GRAMD1B: variants seen among roughly 807,000 people sequenced by gnomAD.
GRAMD1B encodes GRAM domain containing 1B.
GRAMD1B carries 37 observed loss-of-function variants against 99.7 expected under a neutral mutation model. That is an observed-to-expected ratio of 0.37 (90% CI 0.29 to 0.49). The LOEUF (loss-of-function observed/expected upper bound fraction) is 0.49. GRAMD1B is among the 20% of genes least tolerant of loss of function. The pLI is 0.98. For synonymous variants in GRAMD1B, 427 were observed against 387.6 expected (o/e 1.10, Z -1.19); for missense variants, 888 against 1,009.2 (o/e 0.88, Z 1.63).
intron 10 of GRAMD1B, among the ~76,000 whole-genome samples, chr11:123,606,407 A>G (rs963812031): frequency 6.6e-6 from 1 of 152,180 alleles, no homozygotes; most frequent in Non-Finnish European, 1.5e-5. Context: ...GGCGAGCGTG[A>G]GAAGTGCAGT....
At chr11:123,362,786 G>T (rs1946188483) in intron 1 of GRAMD1B, among the ~76,000 whole-genome samples, 1 of 152,170 alleles carries the variant, frequency 6.6e-6, no homozygotes, top group South Asian at 2.1e-4. Flanking sequence ...GAGAGGCAGG[G>T]ATGGAAGAGA....
At chr11:123,465,341 G>A (rs1359791057) in intron 1 of GRAMD1B, among the ~76,000 whole-genome samples, 1 of 152,160 alleles carries the variant, frequency 6.6e-6, no homozygotes, top group Non-Finnish European at 1.5e-5. Context: ...GAAACCACAC[G>A]TACATTTTTC....
At chr11:123,620,330 C>T (rs938851301) in intron 19 of GRAMD1B, among the ~76,000 whole-genome samples, 22 of 151,952 alleles carry the variant, frequency 1.4e-4, no homozygotes, top group Admixed American at 1.3e-4. Context: ...AAAAATTAGC[C>T]GTGTATGGTG....
intron 2 of GRAMD1B, among the ~76,000 whole-genome samples, chr11:123,572,525 T>C (rs535806381): frequency 3.9e-5 from 6 of 152,340 alleles, no homozygotes; most frequent in Admixed American, 1.3e-4. Context: ...GCAAGTTTAG[T>C]GCTGACTTTG....
chr11:123,495,192 T>A (rs568476245), intron 2 of GRAMD1B, among the ~76,000 whole-genome samples: 68 of 151,998 alleles, frequency 4.5e-4, no homozygotes, highest in African/African-American at 1.6e-3. Flanking sequence ...ACTAAATATT[T>A]TATGTATACT....
chr11:123,529,215 A>T (rs190928675), intron 2 of GRAMD1B, among the ~76,000 whole-genome samples: 275 of 152,328 alleles, frequency 1.8e-3, no homozygotes, highest in African/African-American at 6.3e-3. Context: ...AGGGACAGAT[A>T]AGTGCGGTGA....
chr11:123,521,612 C>G (rs1273881845), intron 2 of GRAMD1B, among the ~76,000 whole-genome samples: 1 of 152,200 alleles, frequency 6.6e-6, no homozygotes, highest in Non-Finnish European at 1.5e-5. Flanking sequence ...AGGGTACAAT[C>G]AGTGTAAGAG....
In GRAMD1B at chr11:123,592,801, T is replaced by C. The variant is rs150919114; in HGVS notation, c.685-1281T>C. Among the ~76,000 whole-genome samples, 628 of 152,330 alleles carry C rather than the reference T, an allele frequency of 4.1e-3. 4 individuals carry two copies. Among genetic ancestry groups the C allele is most frequent in the South Asian group, 0.014 (68 of 4,826 alleles). On this transcript the variant is annotated intron_variant, in intron 4 of 19. Coordinates refer to ENST00000635736, the MANE Select transcript of GRAMD1B (RefSeq NM_001387025.1). ...TAGTCAGTGCATCACAGGTGGAGTG[T>C]GGGTGTCTCCGTTTGGCCGTGCGTG...
intron 9 of GRAMD1B, 85 bp downstream of exon 9, chr11:123,603,626 A>G (rs913934715): frequency 1.1e-5 from 9 of 786,282 alleles, no homozygotes; most frequent in Middle Eastern, 2.3e-4. Flanking sequence ...AACAGCACAC[A>G]TGCCTGTGCA....
chr11:123,576,728 T>C lies in GRAMD1B; in HGVS notation c.453-639T>C, dbSNP rs536519971. ...ACATGGCTTCCTTACAAGGAAATAA[T>C]ATGGTGTGGGTGAGTTACAAATCAG... On this transcript the variant is annotated intron_variant, in intron 2 of 19. Transcript: ENST00000635736. Among the ~76,000 whole-genome samples, 61 of 152,248 alleles carry C rather than the reference T, an allele frequency of 4.0e-4. 1 individual carries two copies. In the South Asian group the frequency reaches 0.012, roughly 31 times the overall value.
At chr11:123,504,826 C>T (rs1022190035) in intron 2 of GRAMD1B, among the ~76,000 whole-genome samples, 8 of 152,120 alleles carry the variant, frequency 5.3e-5, no homozygotes, top group Admixed American at 3.3e-4. Flanking sequence ...GAATCACAGG[C>T]GTGCACCACC....
rs916214355 is a variant in GRAMD1B, at chr11:123,519,829, G to A, written c.452+38936G>A. Among the ~76,000 whole-genome samples, 3 of 152,224 alleles carry A rather than the reference G, an allele frequency of 2.0e-5. No homozygotes were observed. The East Asian group carries it at 5.8e-4, about 29-fold the overall frequency. ...CCCAAGGTCGTGGGATTCTGGTGGTGGAAAGAGCTCCAGATGAGGAGGTGG... is the reference window on the plus strand; with the variant it reads ...CCCAAGGTCGTGGGATTCTGGTGGTAGAAAGAGCTCCAGATGAGGAGGTGG... On this transcript the variant is annotated intron_variant, in intron 2 of 19. Coordinates refer to ENST00000635736, the MANE Select transcript of GRAMD1B (RefSeq NM_001387025.1).
intron 2 of GRAMD1B, among the ~76,000 whole-genome samples, chr11:123,512,864 C>T (rs985587137): frequency 1.3e-5 from 2 of 152,058 alleles, no homozygotes; most frequent in Non-Finnish European, 2.9e-5. Flanking sequence ...TTTTGTATCT[C>T]TGTACATTTT....
intron 4 of GRAMD1B, among the ~76,000 whole-genome samples, chr11:123,593,008 G>A (rs1265431784): frequency 6.6e-6 from 1 of 152,090 alleles, no homozygotes; most frequent in Non-Finnish European, 1.5e-5. Context: ...GAGGTGGGTG[G>A]ATCACTTGAG....
chr11:123,370,854 G>T (rs1379536934), intron 1 of GRAMD1B, among the ~76,000 whole-genome samples: 3 of 152,094 alleles, frequency 2.0e-5, no homozygotes, highest in Non-Finnish European at 4.4e-5. Context: ...GTCTCAATCT[G>T]CACCATACCC....
chr11:123,503,466 T>C (rs1372279057), intron 2 of GRAMD1B, among the ~76,000 whole-genome samples: 7 of 152,124 alleles, frequency 4.6e-5, no homozygotes, highest in Non-Finnish European at 1.0e-4. Context: ...CCTAAGATAG[T>C]AATTATAAAG....
intron 1 of GRAMD1B, among the ~76,000 whole-genome samples, chr11:123,467,394 C>CTTTTTTTTT (rs11447711): frequency 7.7e-5 from 8 of 103,342 alleles, no homozygotes; most frequent in African/African-American, 2.2e-4. Context: ...TTTTCAACAC[C>CTTTTTTTTT]TTTTTTTTTT....
chr11:123,390,300 G>T (rs560579494), intron 1 of GRAMD1B, among the ~76,000 whole-genome samples: 1 of 152,054 alleles, frequency 6.6e-6, no homozygotes, highest in South Asian at 2.1e-4. Flanking sequence ...TTGCTCTGGC[G>T]GCAGTGGGGA....
intron 1 of GRAMD1B, among the ~76,000 whole-genome samples, chr11:123,480,257 C>T (rs1951518796): frequency 6.6e-6 from 1 of 152,154 alleles, no homozygotes; most frequent in Non-Finnish European, 1.5e-5. Context: ...CTCAGCCTCC[C>T]CTGGAGGCAG....
Sources: allele counts gnomAD v4.1 joint callset (sites outside exome capture counted in the v4.1 genomes callset), GRCh38; gene constraint gnomAD v4.1.1; transcripts MANE v1.5; gene names NCBI Gene and HGNC (gene_info 2026-07-23, HGNC 2026-07-21).